Variants in CELSR1 observed in about 807,000 individuals in gnomAD.
The protein encoded by CELSR1 is adhesion G protein-coupled receptor C1.
Under a neutral mutation model 249.1 loss-of-function variants are expected in CELSR1, and 110 were observed. The ratio of observed to expected loss-of-function variants is 0.44; its 90% CI spans 0.38 to 0.52. The LOEUF is 0.52. CELSR1 is among the 20% of genes least tolerant of loss of function. The pLI, the probability that CELSR1 is intolerant of heterozygous loss-of-function variation, is 0.00. For synonymous variants in CELSR1, 2,113 were observed against 1,900.0 expected, an observed-to-expected ratio of 1.11 and a Z score of -2.92; for missense variants, 4,109 against 4,296.4, an observed-to-expected ratio of 0.96 and a Z score of 1.22.
chr22:46,410,697 C>A lies in CELSR1; in HGVS notation c.4770-136G>T. 1 of 841,214 alleles carries A rather than the reference C, an allele frequency of 1.2e-6. No homozygotes were observed. The highest frequency in any genetic ancestry group is 1.8e-6 in the Non-Finnish European group (1 of 548,450). 52.1% of individuals were successfully genotyped at this position (841,214 alleles called of 1,614,324 possible). On this transcript the variant is annotated intron_variant, in intron 6 of 34. Coordinates refer to ENST00000674500, the MANE Select transcript of CELSR1 (RefSeq NM_001378328.1). This position sits in a 1 kb window ranked among gnomAD's most constrained non-coding sequence, Gnocchi z 6.8. ...AACCAAGCAGACAGGCGGGGAGAGG[C>A]CAAAGTCAGAGGGGGCTCCTGTGTC...
At position 46,534,666 on chromosome 22, in the gene CELSR1, G is replaced by T. The variant is rs2080830689; in HGVS notation, c.2505C>A (p.Phe835Leu). 1.2e-6 allele frequency: 2 copies of T among 1,613,684 alleles called. No homozygotes were observed. Among genetic ancestry groups the T allele is most frequent in the Admixed American group, 3.3e-5 (2 of 60,010 alleles). Residue 835 changes from phenylalanine (F) to leucine (L), a missense_variant, in exon 1 of 35, where the codon TTC becomes TTA. Physicochemically the swap from Phe to Leu is conservative, Grantham distance 22. Transcript: ENST00000674500. This position sits in a 1 kb window ranked among gnomAD's most constrained non-coding sequence, Gnocchi z 9.7. ...TYVIQDPVPQ[F>L]RIDPDSGTMY... ...TGGTGCCACTGTCGGGGTCAATGCG[G>T]AACTGCGGCACGGGGTCCTGAATCA... is the stretch of plus-strand genomic sequence containing the variant.
intron 1 of CELSR1, among the ~76,000 whole-genome samples, chr22:46,491,058 C>G (rs1408334193): frequency 6.6e-6 from 1 of 152,040 alleles, no homozygotes; most frequent in East Asian, 1.9e-4. Flanking sequence ...CTCGCCAGGT[C>G]TCCTGAGGCA....
At chr22:46,432,825 C>G (rs555672547) in intron 5 of CELSR1, among the ~76,000 whole-genome samples, 21 of 152,260 alleles carry the variant, frequency 1.4e-4, no homozygotes, top group African/African-American at 4.8e-4. Flanking sequence ...GTCCCTCCCC[C>G]AGCGCAGGAG....
In CELSR1 at chr22:46,409,273, T is replaced by G; in HGVS notation, c.5060-111A>C. ...AGGCTAGGCCTGGGCCTTTTTCACT[T>G]TAACACGAAGGTGGGTCTGAGCCTC... On this transcript the variant is annotated intron_variant, in intron 8 of 34. Transcript: ENST00000674500. The surrounding 1 kb of genome is among the most constrained non-coding windows in gnomAD (Gnocchi z 9.8). The G allele has an allele frequency of 8.7e-7, 1 of 1,151,322 alleles. No individual in the cohort carries two copies. Among genetic ancestry groups the G allele is most frequent in the Non-Finnish European group, 1.2e-6 (1 of 821,428 alleles). The allele number at this position is 1,151,322 out of a possible 1,614,324, so 71.3% of individuals were successfully genotyped here.
Position 46,389,301 on chromosome 22 carries a change from C to A in CELSR1, c.6544G>T (p.Asp2182Tyr). The A allele has an allele frequency of 6.2e-7, 1 of 1,605,896 alleles. No homozygotes were observed. Among genetic ancestry groups the A allele is most frequent in the South Asian group, 1.1e-5 (1 of 90,980 alleles). ...GFDLAATQDA[D>Y]FHEDVIHSGS... is the part of the protein sequence containing the mutation. ...GGCCACCCGCCTACCTCGTGAAAGT[C>A]GGCGTCCTGCGTGGCTGCCAGGTCG... The change falls in exon 18 of 35, where the codon GAC becomes TAC. Residue 2182 changes from aspartate to tyrosine, a missense_variant. Physicochemically the swap from Asp to Tyr is radical, Grantham distance 160. Around this residue, in one of 7 missense-constraint regions of CELSR1, gnomAD observed 1,805 missense variants for 1,831.6 expected, o/e 0.99. Coordinates refer to ENST00000674500, the MANE Select transcript of CELSR1 (RefSeq NM_001378328.1).
rs369901565 is a variant in CELSR1, at chr22:46,372,953, C to T, written c.7689G>A (p.Val2563=). The T allele has an allele frequency of 6.2e-6, 10 of 1,613,306 alleles. No individual in the cohort carries two copies. The African/African-American group carries it at 9.3e-5, about 15-fold the overall frequency. Residue 2563 remains valine, a synonymous_variant, in exon 25 of 35, where the codon GTG becomes GTA. Coordinates refer to ENST00000674500, the MANE Select transcript of CELSR1 (RefSeq NM_001378328.1). ...GCATGGGCCCCGTGTCGATGTTGCG[C>T]ACCTCGGTCAGCATGCGGTAGACAT... is the stretch of plus-strand genomic sequence containing the variant. ...SLHVYRMLTE[V]RNIDTGPMRF...
intron 26 of CELSR1, 80 bp downstream of exon 26, chr22:46,369,611 TG>T: frequency 7.5e-7 from 1 of 1,338,922 alleles, no homozygotes; most frequent in Non-Finnish European, 1.1e-6. Context: ...GAGGAGTTGG[TG>T]GCCCCAGCCA....
chr22:46,413,077 T>C lies in CELSR1; in HGVS notation c.4612-1318A>G, dbSNP rs780439315. On this transcript the variant is annotated intron_variant, in intron 5 of 34. Coordinates refer to ENST00000674500, the MANE Select transcript of CELSR1 (RefSeq NM_001378328.1). The surrounding 1 kb of genome is among the most constrained non-coding windows in gnomAD (Gnocchi z 4.7). ...TAGTTCTGGGGTCAGTTTGAGTTTATAGCATGATACAATCTCATGCTTCTT... is the reference window on the plus strand; with the variant it reads ...TAGTTCTGGGGTCAGTTTGAGTTTACAGCATGATACAATCTCATGCTTCTT... Among the ~76,000 whole-genome samples the C allele has an allele frequency of 3.3e-5, 5 of 152,236 alleles. No homozygotes were observed. The highest frequency in any genetic ancestry group is 4.4e-5 in the Non-Finnish European group (3 of 68,040).
rs1174843313 is a variant in CELSR1, at chr22:46,365,653, C to T, written c.8337G>A (p.Gly2779=). 4.4e-6 allele frequency: 7 copies of T among 1,587,952 alleles called. No homozygotes were observed. Among genetic ancestry groups the T allele is most frequent in the Middle Eastern group, 1.7e-4 (1 of 6,056 alleles). The change falls in exon 31 of 35, where the codon GGG becomes GGA. Residue 2779 remains glycine, a synonymous_variant. Coordinates refer to ENST00000674500, the MANE Select transcript of CELSR1 (RefSeq NM_001378328.1). ...EGIQKLGVSS[G]LVRGSHGEPD... ...GCTCTCCGTGGCTGCCCCTCACCAG[C>T]CCAGAGGACACGCCGAGCTTCTGGA...
In CELSR1 at chr22:46,537,033, G is replaced by A. The variant is rs1417902884; in HGVS notation, c.138C>T (p.Pro46=). 1.7e-5 allele frequency: 19 copies of A among 1,100,262 alleles called. No homozygotes were observed. In the African/African-American group the frequency reaches 3.2e-4, roughly 18 times the overall value. 68.2% of individuals were successfully genotyped at this position (1,100,262 alleles called of 1,614,324 possible). A position where few individuals can be genotyped will look rare whatever the true frequency, so the allele number is the denominator to read the frequency against. The change falls in exon 1 of 35, where the codon CCC becomes CCT. Residue 46 remains proline, a synonymous_variant. Transcript: ENST00000674500. This position sits in a 1 kb window ranked among gnomAD's most constrained non-coding sequence, Gnocchi z 5.8. ...CGGCGCCCACCGCGTAGGTACAGCC[G>A]GGCCGGAGGGCGAAGGCGCGGGTCC... ...PGGTRAFALR[P]GCTYAVGAAC... is the part of the protein sequence containing the mutation.
At position 46,396,700 on chromosome 22, in the gene CELSR1, G is replaced by C; in HGVS notation, c.5748C>G (p.Cys1916Trp). Residue 1916 changes from cysteine to tryptophan, a missense_variant, in exon 13 of 35, where the codon TGC becomes TGG. Around this residue, in one of 7 missense-constraint regions of CELSR1, gnomAD observed 1,805 missense variants for 1,831.6 expected, o/e 0.99. Coordinates refer to ENST00000674500, the MANE Select transcript of CELSR1 (RefSeq NM_001378328.1). This position sits in a 1 kb window ranked among gnomAD's most constrained non-coding sequence, Gnocchi z 6.4. ...AGCGCACGCAGGCCCCCATGTTCTC[G>C]CAGGGGTTCAGGTGACAGGCATCCA... The part of the protein sequence containing the change: ...NCVDACHLNP[C>W]ENMGACVRSP... 1 of 1,612,778 alleles carries C rather than the reference G, an allele frequency of 6.2e-7. No individual in the cohort carries two copies. Among genetic ancestry groups the C allele is most frequent in the East Asian group, 2.2e-5 (1 of 44,794 alleles).
In CELSR1 at chr22:46,454,880, C is replaced by T. The variant is rs1230369114; in HGVS notation, c.4183+8827G>A. On this transcript the variant is annotated intron_variant, in intron 2 of 34. Coordinates refer to ENST00000674500, the MANE Select transcript of CELSR1 (RefSeq NM_001378328.1). This position sits in a 1 kb window ranked among gnomAD's most constrained non-coding sequence, Gnocchi z 5.1. Reference sequence around the variant, plus strand: ...GCTGAATTGTGTCCCCAGAAAGATACGCTCAGTTACGAACTCCCAGTACCC... The same window carrying T: ...GCTGAATTGTGTCCCCAGAAAGATATGCTCAGTTACGAACTCCCAGTACCC... Among the ~76,000 whole-genome samples the T allele has an allele frequency of 1.3e-5, 2 of 152,212 alleles. No individual in the cohort carries two copies. The highest frequency in any genetic ancestry group is 6.5e-5 in the Admixed American group (1 of 15,278).
rs377638692 is a variant in CELSR1, at chr22:46,464,310, G to T, written c.3580C>A (p.Arg1194Ser). 6.2e-7 allele frequency: 1 copy of T among 1,613,044 alleles called. No individual in the cohort carries two copies. The highest frequency in any genetic ancestry group is 1.3e-5 in the African/African-American group (1 of 74,910). ...IHSVTAFCTLRVTIITDDMLT... is the reference protein window; with the variant it reads ...IHSVTAFCTLSVTIITDDMLT... ...ATGTCGTCCGTGATGATGGTGACAC[G>T]CAGGGTGCAGAAGGCCGTGACGCTG... The change falls in exon 2 of 35, where the codon CGT (arginine) becomes AGT (serine). Residue 1194 changes from arginine (R) to serine (S), a missense_variant. By Grantham distance (110) the Arg-to-Ser change is moderately radical. Around this residue, in one of 7 missense-constraint regions of CELSR1, gnomAD observed 886 missense variants for 896.5 expected, o/e 0.99. Transcript: ENST00000674500. The surrounding 1 kb of genome is among the most constrained non-coding windows in gnomAD (Gnocchi z 8.5).
intron 2 of CELSR1, among the ~76,000 whole-genome samples, chr22:46,453,426 C>T (rs956440167): frequency 2.6e-5 from 4 of 152,278 alleles, no homozygotes; most frequent in East Asian, 3.9e-4. Flanking sequence ...AAAATGAGCA[C>T]GAATTCTTAA....
Position 46,399,915 on chromosome 22 carries a change from G to C in CELSR1, c.5227-13C>G, listed in dbSNP as rs766462721. ...AGTTGTTCAGGATCTGGAGCAGGGA[G>C]AGCCACACCGACTGATTGGTACAAT... On this transcript the variant is annotated splice_polypyrimidine_tract_variant and intron_variant, in intron 9 of 34. Coordinates refer to ENST00000674500, the MANE Select transcript of CELSR1 (RefSeq NM_001378328.1). The surrounding 1 kb of genome is among the most constrained non-coding windows in gnomAD (Gnocchi z 5.0). 5.6e-6 allele frequency: 9 copies of C among 1,613,300 alleles called. No homozygotes were observed. The African/African-American group carries it at 1.2e-4, about 22-fold the overall frequency.
In CELSR1 at chr22:46,428,432, C is replaced by G. The variant is rs1283511001; in HGVS notation, c.4611+4961G>C. ...CCACCTGCTGCCCACGTAGAGGCTG[C>G]TGCCTCAAGCTCCGGCCCAGGGTCT... On this transcript the variant is annotated intron_variant, in intron 5 of 34. Coordinates refer to ENST00000674500, the MANE Select transcript of CELSR1 (RefSeq NM_001378328.1). This position sits in a 1 kb window ranked among gnomAD's most constrained non-coding sequence, Gnocchi z 5.7. 6.6e-6 allele frequency among the ~76,000 whole-genome samples: 1 copy of G among 152,222 alleles called. No homozygotes were observed. Among genetic ancestry groups the G allele is most frequent in the Non-Finnish European group, 1.5e-5 (1 of 68,030 alleles).
Position 46,535,792 on chromosome 22 carries a change from C to G in CELSR1, c.1379G>C (p.Ser460Thr). The G allele has an allele frequency of 1.2e-6, 2 of 1,612,442 alleles. No homozygotes were observed. Among genetic ancestry groups the G allele is most frequent in the South Asian group, 2.2e-5 (2 of 91,088 alleles). ...EDENDNYPQF[S>T]EQNYVVQVPE... Reference sequence around the variant, plus strand: ...CACCTGGACCACGTAGTTCTGCTCGCTGAACTGGGGGTAGTTGTCGTTCTC... The same window carrying G: ...CACCTGGACCACGTAGTTCTGCTCGGTGAACTGGGGGTAGTTGTCGTTCTC... Residue 460 changes from serine (S) to threonine (T), a missense_variant, in exon 1 of 35, where the codon AGC becomes ACC. Ser to Thr is a moderately conservative substitution (Grantham distance 58). Coordinates refer to ENST00000674500, the MANE Select transcript of CELSR1 (RefSeq NM_001378328.1).
At chr22:46,514,954 C>T (rs768415235) in intron 1 of CELSR1, among the ~76,000 whole-genome samples, 70 of 152,308 alleles carry the variant, frequency 4.6e-4, no homozygotes, top group Non-Finnish European at 9.0e-4. Flanking sequence ...AACTCCATGC[C>T]TCCCCACAAA....
In CELSR1 at chr22:46,534,560, G is replaced by T; in HGVS notation, c.2611C>A (p.Gln871Lys). Residue 871 changes from glutamine to lysine, a missense_variant, in exon 1 of 35, where the codon CAG becomes AAG. Gln to Lys is a moderately conservative substitution (Grantham distance 53). This residue lies in a region of CELSR1 where 886 missense variants were observed against 896.5 expected (regional missense o/e 0.99). Coordinates refer to ENST00000674500, the MANE Select transcript of CELSR1 (RefSeq NM_001378328.1). The surrounding 1 kb of genome is among the most constrained non-coding windows in gnomAD (Gnocchi z 9.7). ...TIMAQDNGIP[Q>K]KSDTTTLEIL... Reference sequence around the variant, plus strand: ...TCTAGGGTGGTGGTGTCTGATTTCTGCGGGATGCCGTTGTCCTGGGCCATG... The same window carrying T: ...TCTAGGGTGGTGGTGTCTGATTTCTTCGGGATGCCGTTGTCCTGGGCCATG... 6.2e-7 allele frequency: 1 copy of T among 1,613,716 alleles called. No individual in the cohort carries two copies. Among genetic ancestry groups the T allele is most frequent in the African/African-American group, 1.3e-5 (1 of 75,044 alleles).
Sources: gnomAD v4.1 joint callset for allele counts (sites outside exome capture counted in the v4.1 genomes callset) on GRCh38, gnomAD v4.1.1 for gene constraint, gnomAD v4.1.1 regional missense constraint, Gnocchi (gnomAD v3.1) non-coding constraint, MANE v1.5 for transcripts, NCBI Gene and HGNC (gene_info 2026-07-23, HGNC 2026-07-21) for gene names.